The following CCDC63 variants were observed in gnomAD, a reference collection of about 807,000 sequenced individuals.
The protein encoded by CCDC63 is coiled-coil domain containing 63, also known as coiled-coil domain-containing protein 63.
A neutral mutation model predicts 63.6 loss-of-function variants in CCDC63; 54 were observed. The ratio of observed to expected loss-of-function variants is 0.85; its 90% CI spans 0.68 to 1.07. The LOEUF is 1.07. Ranked by LOEUF, CCDC63 falls within the 50% of genes least tolerant of loss-of-function variation. The pLI is 0.00. For synonymous variants in CCDC63, 253 were observed against 266.1 expected (o/e 0.95, Z 0.48); for missense variants, 637 against 689.6 (o/e 0.92, Z 0.86).
chr12:110,853,023 C>T, intron 2 of CCDC63, 60 bp downstream of exon 2: 1 of 1,544,228 alleles, frequency 6.5e-7, no homozygotes, highest in Admixed American at 1.7e-5. Flanking sequence ...ACTGTGCCAT[C>T]CACTTTACAC....
Position 110,889,173 on chromosome 12 carries a change from C to A in CCDC63, c.1075-3903C>A, listed in dbSNP as rs1388678898. Reference sequence around the variant, plus strand: ...ATTGAAGCAAATGTCCTTTTGGTTACTCGTTCATCCAGCAAGTATTTATTG... The same window carrying A: ...ATTGAAGCAAATGTCCTTTTGGTTAATCGTTCATCCAGCAAGTATTTATTG... On this transcript the variant is annotated intron_variant, in intron 8 of 11. Coordinates refer to ENST00000308208, the MANE Select transcript of CCDC63 (RefSeq NM_152591.3). The surrounding 1 kb of genome is among the most constrained non-coding windows in gnomAD (Gnocchi z 4.1). Among the ~76,000 whole-genome samples, 4 of 152,166 alleles carry A rather than the reference C, an allele frequency of 2.6e-5. No homozygotes were observed. Among genetic ancestry groups the A allele is most frequent in the Non-Finnish European group, 5.9e-5 (4 of 68,030 alleles).
At chr12:110,891,634 C>CA (rs1167265918) in intron 8 of CCDC63, among the ~76,000 whole-genome samples, 8,623 of 65,472 alleles carry the variant, frequency 0.13, 673 homozygotes, top group African/African-American at 0.2. Flanking sequence ...GACCCTTTCT[C>CA]AAAAAAAAAA....
Position 110,889,821 on chromosome 12 carries a change from C to T in CCDC63, c.1075-3255C>T, listed in dbSNP as rs1178537190. 6.6e-6 allele frequency among the ~76,000 whole-genome samples: 1 copy of T among 152,096 alleles called. No individual in the cohort carries two copies. The highest frequency in any genetic ancestry group is 2.4e-5 in the African/African-American group (1 of 41,400). On this transcript the variant is annotated intron_variant, in intron 8 of 11. Transcript: ENST00000308208. This position sits in a 1 kb window ranked among gnomAD's most constrained non-coding sequence, Gnocchi z 4.1. ...CATCTTTTTGGTAGAGATCCCCCAC[C>T]CCACCCCTGCCCTGTAAAGATCGGA...
At chr12:110,868,799 G>C (rs2071023721) in intron 4 of CCDC63, among the ~76,000 whole-genome samples, 1 of 147,992 alleles carries the variant, frequency 6.8e-6, no homozygotes, top group African/African-American at 2.5e-5. Flanking sequence ...GAGAGGGAGA[G>C]GGAGAGCTTA....
At chr12:110,878,146 G>T (rs2071155304) in intron 5 of CCDC63, among the ~76,000 whole-genome samples, 1 of 151,858 alleles carries the variant, frequency 6.6e-6, no homozygotes. Flanking sequence ...CTTTTTTAAG[G>T]CTCAGTAATA....
At chr12:110,902,451 A>C (rs2071500635) in intron 10 of CCDC63, among the ~76,000 whole-genome samples, 1 of 151,966 alleles carries the variant, frequency 6.6e-6, no homozygotes, top group Non-Finnish European at 1.5e-5. Flanking sequence ...GGGCCTTTGC[A>C]CAGGCTGTTC....
At chr12:110,880,514 G>A (rs2071185967) in intron 6 of CCDC63, among the ~76,000 whole-genome samples, 1 of 152,034 alleles carries the variant, frequency 6.6e-6, no homozygotes, top group African/African-American at 2.4e-5. Flanking sequence ...ATATAGTTTG[G>A]CTGTGAAGGG....
At chr12:110,870,917 T>C (rs1166341881) in intron 4 of CCDC63, among the ~76,000 whole-genome samples, 4 of 152,178 alleles carry the variant, frequency 2.6e-5, no homozygotes, top group African/African-American at 9.7e-5. Flanking sequence ...CTTCCCTTTC[T>C]TGGGCAGATG....
At position 110,855,229 on chromosome 12, in the gene CCDC63, A is replaced by G. The variant is rs141849224; in HGVS notation, c.179+1655A>G. 4.7e-4 allele frequency among the ~76,000 whole-genome samples: 72 copies of G among 152,348 alleles called. No individual in the cohort carries two copies. The East Asian group carries it at 9.8e-3, about 21-fold the overall frequency. On this transcript the variant is annotated intron_variant, in intron 3 of 11. Coordinates refer to ENST00000308208, the MANE Select transcript of CCDC63 (RefSeq NM_152591.3). The stretch of plus-strand genomic sequence containing the variant: ...ACTGTCATCTGTTGGAAAAATTGTC[A>G]TTATGTAGAGATTTTGTTAGAACAA...
intron 3 of CCDC63, among the ~76,000 whole-genome samples, chr12:110,854,170 A>G (rs1273561124): frequency 1.3e-5 from 2 of 151,878 alleles, no homozygotes; most frequent in African/African-American, 2.4e-5. Context: ...AACCCTAACA[A>G]CGTTTCCTAA....
chr12:110,897,624 A>G (rs1169982231), intron 9 of CCDC63, among the ~76,000 whole-genome samples: 1 of 151,870 alleles, frequency 6.6e-6, no homozygotes, highest in East Asian at 1.9e-4. Context: ...TGATTTGTGA[A>G]ATTTTATATT....
At chr12:110,905,481 T>C (rs2071548425) in intron 11 of CCDC63, among the ~76,000 whole-genome samples, 1 of 152,060 alleles carries the variant, frequency 6.6e-6, no homozygotes, top group South Asian at 2.1e-4. Flanking sequence ...GAACCGATCC[T>C]TCCAGAAGGA....
chr12:110,898,497 A>C (rs1356020224), intron 9 of CCDC63, among the ~76,000 whole-genome samples: 2 of 151,544 alleles, frequency 1.3e-5, no homozygotes, highest in African/African-American at 2.4e-5. Flanking sequence ...ACCTGCTTGT[A>C]ATCCCAGCTA....
At chr12:110,898,626 A>G (rs533443730) in intron 9 of CCDC63, among the ~76,000 whole-genome samples, 2 of 151,992 alleles carry the variant, frequency 1.3e-5, no homozygotes, top group African/African-American at 4.8e-5. Context: ...TCAAAAAAAA[A>G]AAAAAAAAAT....
chr12:110,851,561 T>C (rs1480207771), intron 1 of CCDC63, among the ~76,000 whole-genome samples: 2 of 152,142 alleles, frequency 1.3e-5, no homozygotes, highest in South Asian at 4.1e-4. Context: ...GCTCTGATTC[T>C]CCCATCCAGA....
At chr12:110,881,385 G>A in intron 7 of CCDC63, 89 bp downstream of exon 7, 1 of 1,336,568 alleles carries the variant, frequency 7.5e-7, no homozygotes, top group Non-Finnish European at 1.0e-6. Flanking sequence ...AGGTGCCCAA[G>A]TCTCCTTGTG....
In CCDC63 at chr12:110,891,652, A is replaced by T. The variant is rs545556668; in HGVS notation, c.1075-1424A>T. Among the ~76,000 whole-genome samples, 123 of 151,340 alleles carry T rather than the reference A, an allele frequency of 8.1e-4. 6 individuals are homozygous for T. In the South Asian group the frequency reaches 0.024, roughly 30 times the overall value. ...CCTTTCTCAAAAAAAAAAAAAAAAA[A>T]AAAGAAGAAGAAGAAAAGCACATTC... On this transcript the variant is annotated intron_variant, in intron 8 of 11. Coordinates refer to ENST00000308208, the MANE Select transcript of CCDC63 (RefSeq NM_152591.3).
intron 4 of CCDC63, among the ~76,000 whole-genome samples, chr12:110,863,966 C>T (rs2070900428): frequency 6.6e-6 from 1 of 152,254 alleles, no homozygotes; most frequent in Non-Finnish European, 1.5e-5. Context: ...TCAGCTTCTG[C>T]CATAGCCACA....
At position 110,852,920 on chromosome 12, in the gene CCDC63, GTGTC is replaced by G. The variant is rs1297731295; in HGVS notation, c.-32_-29del. The G allele has an allele frequency of 6.2e-7, 1 of 1,614,188 alleles. No individual in the cohort carries two copies. Among genetic ancestry groups the G allele is most frequent in the South Asian group, 1.1e-5 (1 of 91,088 alleles). ...ACTGGCTTTGAGCTCTCTGGGTACA[GTGTC>G]TGAGTGGAGGCAAAGTGCGGTTCCT... On this transcript the variant is annotated 5_prime_UTR_variant, in exon 2 of 12. Transcript: ENST00000308208.
Sources: allele counts gnomAD v4.1 joint callset (sites outside exome capture counted in the v4.1 genomes callset), GRCh38; gene constraint gnomAD v4.1.1; non-coding constraint Gnocchi (gnomAD v3.1); transcripts MANE v1.5; gene names NCBI Gene and HGNC (gene_info 2026-07-23, HGNC 2026-07-21).